NRL: variants seen among roughly 807,000 people sequenced by gnomAD.
NRL encodes the protein neural retina leucine zipper, also known as neural retina-specific leucine zipper protein.
In NRL, 16 loss-of-function variants were observed where a neutral mutation model predicts 12.5. The observed-to-expected ratio is 1.28, with a 90% confidence interval of 0.87 to 1.95. The LOEUF is 1.95. NRL is among the 30% of genes most tolerant of loss of function. The pLI, the probability that NRL is intolerant of heterozygous loss-of-function variation, is 0.00. For missense variants in NRL, 314 were observed against 325.8 expected (o/e 0.96, Z 0.28); for synonymous variants, 142 against 150.9 (o/e 0.94, Z 0.43).
At chr14:24,102,362 G>T (rs1442943314) in intron 1 of NRL, among the ~76,000 whole-genome samples, 1 of 152,182 alleles carries the variant, frequency 6.6e-6, no homozygotes, top group Non-Finnish European at 1.5e-5. Context: ...TTAGGTTTGG[G>T]TATTCATTTA....
chr14:24,107,225 T>G (rs1197100305), intron 1 of NRL, among the ~76,000 whole-genome samples: 1 of 152,170 alleles, frequency 6.6e-6, no homozygotes, highest in Non-Finnish European at 1.5e-5. Flanking sequence ...GACAAGAAAG[T>G]GTTAGCCTTA....
chr14:24,108,140 C>T (rs573066179), intron 1 of NRL, among the ~76,000 whole-genome samples: 1 of 152,198 alleles, frequency 6.6e-6, no homozygotes, highest in Admixed American at 6.5e-5. Context: ...TGTTCATTTC[C>T]TTCCCCAAAC....
chr14:24,084,722 A>T (rs2036422769), intron 1 of NRL: 2 of 985,410 alleles, frequency 2.0e-6, no homozygotes, highest in Non-Finnish European at 2.4e-6. Context: ...TAAGGTAAGG[A>T]GATCATTTGC....
In NRL at chr14:24,081,551, G is replaced by A. The variant is rs199590171; in HGVS notation, c.399C>T (p.Ser133=). 7.2e-4 allele frequency: 1,149 copies of A among 1,600,772 alleles called. 2 individuals are homozygous for A. The highest frequency in any genetic ancestry group is 3.0e-3 in the Admixed American group (177 of 58,334). ...AQHVQLAERF[S]DAALVSMSVR... ...CAGACATCGAGACCAGCGCCGCGTCGGAAAACCGCTCTGCCAGCTGCGGAG... is the reference window on the plus strand; with the variant it reads ...CAGACATCGAGACCAGCGCCGCGTCAGAAAACCGCTCTGCCAGCTGCGGAG... Residue 133 remains serine (S), a synonymous_variant, in exon 3 of 3, where the codon TCC becomes TCT. Transcript: ENST00000561028. This position sits in a 1 kb window ranked among gnomAD's most constrained non-coding sequence, Gnocchi z 4.4.
intron 1 of NRL, among the ~76,000 whole-genome samples, chr14:24,105,335 A>G (rs2037320532): frequency 6.6e-6 from 1 of 152,264 alleles, no homozygotes; most frequent in African/African-American, 2.4e-5. Flanking sequence ...CATGGCCATC[A>G]CAAACATGTC....
At position 24,085,492 on chromosome 14, in the gene NRL, T is replaced by C. The variant is rs900220880; in HGVS notation, c.-27-2617A>G. Among the ~76,000 whole-genome samples the C allele has an allele frequency of 6.6e-6, 1 of 152,198 alleles. No individual in the cohort carries two copies. Among genetic ancestry groups the C allele is most frequent in the African/African-American group, 2.4e-5 (1 of 41,448 alleles). On this transcript the variant is annotated intron_variant, in intron 1 of 2. Transcript: ENST00000561028. This position sits in a 1 kb window ranked among gnomAD's most constrained non-coding sequence, Gnocchi z 4.1. ...CTAATCCCCTAACACCTCTTAGAGC[T>C]ATCATCCCTGAGTAGGAGTGGGAAC...
chr14:24,100,300 T>C, intron 1 of NRL: 1 of 1,549,880 alleles, frequency 6.5e-7, no homozygotes, highest in South Asian at 1.3e-5. Context: ...TCCAACCATC[T>C]TCTAGGACTG....
chr14:24,102,458 C>T (rs1414053263), intron 1 of NRL, among the ~76,000 whole-genome samples: 1 of 152,096 alleles, frequency 6.6e-6, no homozygotes, highest in East Asian at 1.9e-4. Context: ...TTCCCTTGAG[C>T]CCTGGTCAGT....
In NRL at chr14:24,085,255, G is replaced by C. The variant is rs917236833; in HGVS notation, c.-27-2380C>G. 2.0e-5 allele frequency among the ~76,000 whole-genome samples: 3 copies of C among 152,060 alleles called. No individual in the cohort carries two copies. Among genetic ancestry groups the C allele is most frequent in the African/African-American group, 7.2e-5 (3 of 41,402 alleles). On this transcript the variant is annotated intron_variant, in intron 1 of 2. Coordinates refer to ENST00000561028, the MANE Select transcript of NRL (RefSeq NM_001354768.3). The surrounding 1 kb of genome is among the most constrained non-coding windows in gnomAD (Gnocchi z 4.1). The stretch of plus-strand genomic sequence containing the variant: ...CTAATCCAGCTTGGGAGAAAGAGTA[G>C]GAAAAAAGAGAACAGGGAACTCTGT...
rs977971924 is a variant in NRL at position 24,081,641 on chromosome 14, C to T, written c.382-73G>A. On this transcript the variant is annotated intron_variant, in intron 2 of 2. Transcript: ENST00000561028. This position sits in a 1 kb window ranked among gnomAD's most constrained non-coding sequence, Gnocchi z 4.4. ...GCTCTGCCCTGAGGGCCCGACGCTA[C>T]CTGGCTCCGCCCCGGGACAGCCCCG... 7.1e-6 allele frequency: 11 copies of T among 1,539,176 alleles called. No individual in the cohort carries two copies. In the South Asian group the frequency reaches 9.6e-5, roughly 13 times the overall value.
intron 1 of NRL, among the ~76,000 whole-genome samples, chr14:24,106,855 T>C (rs2037347027): frequency 6.6e-6 from 1 of 152,150 alleles, no homozygotes; most frequent in African/African-American, 2.4e-5. Context: ...ATTAAACACA[T>C]AGTAGACTTG....
intron 1 of NRL, chr14:24,097,218 G>A: frequency 3.1e-6 from 4 of 1,293,256 alleles, no homozygotes; most frequent in Non-Finnish European, 4.4e-6. Context: ...AACTTAACTA[G>A]AACATCCCAA....
chr14:24,098,214 G>C, intron 1 of NRL: 1 of 1,609,058 alleles, frequency 6.2e-7, no homozygotes, highest in Non-Finnish European at 8.5e-7. Flanking sequence ...TGGCTGGCCC[G>C]CACAGACCCC....
chr14:24,090,048 C>T (rs1196075382), intron 1 of NRL, among the ~76,000 whole-genome samples: 1 of 151,840 alleles, frequency 6.6e-6, no homozygotes, highest in Non-Finnish European at 1.5e-5. Flanking sequence ...ATTCTAAGAG[C>T]AGGGAGAAGC....
Position 24,094,356 on chromosome 14 carries a change from C to A in NRL, c.-27-11481G>T. On this transcript the variant is annotated intron_variant, in intron 1 of 2. Transcript: ENST00000561028. This position sits in a 1 kb window ranked among gnomAD's most constrained non-coding sequence, Gnocchi z 4.1. ...CCCTCCTTCCCCGCCTTCCATACCT[C>A]CCCGGCTCCGCTCGGTTCCTGGCCA... is the stretch of plus-strand genomic sequence containing the variant. 2 of 1,514,120 alleles carry A rather than the reference C, an allele frequency of 1.3e-6. No homozygotes were observed. Among genetic ancestry groups the A allele is most frequent in the South Asian group, 2.4e-5 (2 of 83,482 alleles). 93.8% of individuals were successfully genotyped at this position (1,514,120 alleles called of 1,614,324 possible).
intron 1 of NRL, among the ~76,000 whole-genome samples, chr14:24,110,020 T>C (rs1006668193): frequency 6.6e-5 from 10 of 152,234 alleles, no homozygotes; most frequent in African/African-American, 2.4e-4. Context: ...GCTATAGCTG[T>C]ATTCATCATA....
chr14:24,107,622 T>C (rs184246333), intron 1 of NRL, among the ~76,000 whole-genome samples: 13 of 152,314 alleles, frequency 8.5e-5, no homozygotes, highest in Admixed American at 8.5e-4. Flanking sequence ...CCATTTAAAA[T>C]TTTTTTCATA....
chr14:24,110,328 C>CA, intron 1 of NRL: 1 of 401,968 alleles, frequency 2.5e-6, no homozygotes, highest in Admixed American at 2.7e-5. Context: ...AGGCTGATCT[C>CA]AAATTCCTGT....
chr14:24,097,520 C>T (rs1189880218), intron 1 of NRL, among the ~76,000 whole-genome samples: 1 of 150,814 alleles, frequency 6.6e-6, no homozygotes, highest in Non-Finnish European at 1.5e-5. Flanking sequence ...GCCAAGATCG[C>T]GTCATTGCAC....
Sources: allele counts gnomAD v4.1 joint callset (sites outside exome capture counted in the v4.1 genomes callset), GRCh38; gene constraint gnomAD v4.1.1; non-coding constraint Gnocchi (gnomAD v3.1); transcripts MANE v1.5; gene names NCBI Gene and HGNC (gene_info 2026-07-23, HGNC 2026-07-21).